VLDLR: variants seen among roughly 807,000 people sequenced by gnomAD.
The protein encoded by VLDLR is very low-density lipoprotein receptor.
In VLDLR, 81 loss-of-function variants were observed where a neutral mutation model predicts 112.7. The observed-to-expected ratio is 0.72, with a 90% confidence interval of 0.60 to 0.86. VLDLR has a LOEUF of 0.86. Among genes scored for constraint, VLDLR ranks in the 40% least tolerant of loss-of-function variants. VLDLR has a pLI of 0.00. For missense variants in VLDLR, 1,237 were observed against 1,099.4 expected (o/e 1.13, Z -1.77); for synonymous variants, 436 against 384.8 (o/e 1.13, Z -1.56).
chr9:2,622,280 G>A lies in VLDLR; in HGVS notation c.82+9G>A, dbSNP rs1054309178. 4.8e-6 allele frequency: 7 copies of A among 1,468,560 alleles called. No individual in the cohort carries two copies. In the Admixed American group the frequency reaches 7.0e-5, roughly 15 times the overall value. The allele number at this position is 1,468,560 out of a possible 1,614,324, so 91.0% of individuals were successfully genotyped here. A position where few individuals can be genotyped will look rare whatever the true frequency, so the allele number is the denominator to read the frequency against. Reference sequence around the variant, plus strand: ...CGGCGCCACCGGAACCGGTGAGTGAGGACGCGCCCCTCCGCCGGCGGGCGG... The same window carrying A: ...CGGCGCCACCGGAACCGGTGAGTGAAGACGCGCCCCTCCGCCGGCGGGCGG... On this transcript the variant is annotated intron_variant, in intron 1 of 18. Coordinates refer to ENST00000382100, the MANE Select transcript of VLDLR (RefSeq NM_003383.5).
intron 1 of VLDLR, 172 bp downstream of exon 1, chr9:2,622,443 C>G: frequency 3.6e-6 from 2 of 554,914 alleles, no homozygotes; most frequent in Non-Finnish European, 5.7e-6. Flanking sequence ...AGCGCCGAGG[C>G]TAAAGGGAGC....
At position 2,639,114 on chromosome 9, in the gene VLDLR, C is replaced by T. The variant is rs540127903; in HGVS notation, c.203-745C>T. On this transcript the variant is annotated intron_variant, in intron 2 of 18. Coordinates refer to ENST00000382100, the MANE Select transcript of VLDLR (RefSeq NM_003383.5). ...TATATTAGTCAGCTCAGACTGCTGT[C>T]ACAAAAATACCATAAGTGGGTGGCT... is the stretch of plus-strand genomic sequence containing the variant. 1.6e-3 allele frequency among the ~76,000 whole-genome samples: 250 copies of T among 152,288 alleles called. 1 individual carries two copies. Among genetic ancestry groups the T allele is most frequent in the African/African-American group, 5.8e-3 (240 of 41,554 alleles).
At chr9:2,622,607 A>G (rs1352123450) in intron 1 of VLDLR, among the ~76,000 whole-genome samples, 1 of 152,172 alleles carries the variant, frequency 6.6e-6, no homozygotes, top group Admixed American at 6.5e-5. Context: ...GCATTGAACA[A>G]TGGTTCTGCC....
chr9:2,628,443 C>T (rs1420110191), intron 1 of VLDLR, among the ~76,000 whole-genome samples: 7 of 152,006 alleles, frequency 4.6e-5, no homozygotes, highest in Admixed American at 1.3e-4. Flanking sequence ...TAGCTCAGCC[C>T]GTATAGCAGA....
intron 9 of VLDLR, 105 bp downstream of exon 9, chr9:2,645,187 T>G (rs1462264088): frequency 3.3e-6 from 5 of 1,531,082 alleles, no homozygotes; most frequent in Non-Finnish European, 1.8e-6. Context: ...AAATTGTACT[T>G]GAGAACAATG....
At chr9:2,635,346 C>T in intron 1 of VLDLR, 107 bp from the exon 2 acceptor site, 3 of 1,565,580 alleles carry the variant, frequency 1.9e-6, no homozygotes, top group Non-Finnish European at 2.6e-6. Flanking sequence ...ATGTCATAGC[C>T]TGCCGAGTCT....
rs181124390 is a variant in VLDLR at position 2,654,174 on chromosome 9, T to C, written c.*306T>C. The C allele has an allele frequency of 6.2e-5, 26 of 418,004 alleles. No individual in the cohort carries two copies. The East Asian group carries it at 1.4e-3, about 22-fold the overall frequency. 25.9% of individuals were successfully genotyped at this position (418,004 alleles called of 1,614,324 possible). A position where few individuals can be genotyped will look rare whatever the true frequency, so the allele number is the denominator to read the frequency against. On this transcript the variant is annotated 3_prime_UTR_variant, in exon 19 of 19. Transcript: ENST00000382100. ...GAAAGCCATATTCCAGCAGTGAAAC[T>C]TGTGCTATAGTGTATACCACCTGTA...
Position 2,643,643 on chromosome 9 carries a change from G to A in VLDLR, c.836G>A (p.Arg279Gln), listed in dbSNP as rs114307467. ...DEVNCPSRTCRPDQFECEDGS... is the reference protein window; with the variant it reads ...DEVNCPSRTCQPDQFECEDGS... ...CCCTTTGTAGCCTCTCGAACTTGCCGACCTGACCAATTTGAATGTGAGGAT... is the reference window on the plus strand; with the variant it reads ...CCCTTTGTAGCCTCTCGAACTTGCCAACCTGACCAATTTGAATGTGAGGAT... The change falls in exon 6 of 19, where the codon CGA (arginine) becomes CAA (glutamine). Residue 279 changes from arginine (R) to glutamine (Q), a missense_variant. Arg to Gln is a conservative substitution (Grantham distance 43, BLOSUM62 1). Transcript: ENST00000382100. 3.6e-4 allele frequency: 586 copies of A among 1,614,144 alleles called. No homozygotes were observed. The highest frequency in any genetic ancestry group is 6.8e-4 in the South Asian group (62 of 91,060).
chr9:2,644,356 A>C (rs1380770196), intron 7 of VLDLR, among the ~76,000 whole-genome samples: 1 of 133,848 alleles, frequency 7.5e-6, no homozygotes, highest in Non-Finnish European at 1.6e-5. Flanking sequence ...TTTTTAGTAG[A>C]GACAGGGTTT....
Position 2,659,152 on chromosome 9 carries a change from A to T in VLDLR, c.*5284A>T, listed in dbSNP as rs1214359671. 2.6e-5 allele frequency: 4 copies of T among 152,216 alleles called. No homozygotes were observed. 9.4% of individuals were successfully genotyped at this position (152,216 alleles called of 1,614,324 possible). On this transcript the variant is annotated 3_prime_UTR_variant, in exon 19 of 19. Transcript: ENST00000382100. ...CTCCCAAGTCTTTTACTTGCTCTTC[A>T]CAGCAACCCTAATAGGTATCTCCAT...
chr9:2,630,947 A>G (rs1817323897), intron 1 of VLDLR, among the ~76,000 whole-genome samples: 1 of 152,226 alleles, frequency 6.6e-6, no homozygotes, highest in Non-Finnish European at 1.5e-5. Flanking sequence ...ACTAATATCC[A>G]GAATATACAA....
At chr9:2,635,723 G>A (rs1454670129) in intron 2 of VLDLR, 151 bp downstream of exon 2, 7 of 1,217,856 alleles carry the variant, frequency 5.7e-6, no homozygotes, top group East Asian at 2.5e-5. Flanking sequence ...AAAATTGAAT[G>A]TTTGACGTGG....
Position 2,657,846 on chromosome 9 carries a change from T to A in VLDLR, c.*3978T>A, listed in dbSNP as rs1410344420. On this transcript the variant is annotated 3_prime_UTR_variant, in exon 19 of 19. Transcript: ENST00000382100. ...TATAGTCTCTAAGGCCAGAAGGGGC[T>A]TATAATGACTTCTCTTCTAGAATTG... The A allele has an allele frequency of 6.6e-6, 1 of 152,190 alleles. No homozygotes were observed. The highest frequency in any genetic ancestry group is 1.5e-5 in the Non-Finnish European group (1 of 68,030). The allele number at this position is 152,190 out of a possible 1,614,324, so 9.4% of individuals were successfully genotyped here.
Position 2,643,436 on chromosome 9 carries a change from G to A in VLDLR, c.725G>A (p.Ser242Asn). 2 of 1,614,198 alleles carry A rather than the reference G, an allele frequency of 1.2e-6. No homozygotes were observed. Among genetic ancestry groups the A allele is most frequent in the South Asian group, 2.2e-5 (2 of 91,084 alleles). ...QPVIHTKCPA[S>N]EIQCGSGECI... ...GTCATACACACCAAGTGTCCAGCCA[G>A]CGAAATCCAGTGCGGCTCTGGCGAG... Residue 242 changes from serine (S) to asparagine (N), a missense_variant, in exon 5 of 19, where the codon AGC becomes AAC. By Grantham distance (46) the Ser-to-Asn change is conservative. Transcript: ENST00000382100.
chr9:2,654,012 C>A lies in VLDLR; in HGVS notation c.*144C>A. The A allele has an allele frequency of 1.3e-6, 1 of 784,146 alleles. No individual in the cohort carries two copies. Among genetic ancestry groups the A allele is most frequent in the East Asian group, 2.6e-5 (1 of 38,644 alleles). 48.6% of individuals were successfully genotyped at this position (784,146 alleles called of 1,614,324 possible). On this transcript the variant is annotated 3_prime_UTR_variant, in exon 19 of 19. Transcript: ENST00000382100. ...CCTTTGCGTGGATCAAGCTTGTGTA[C>A]TTGACCGTTTTTATATTACTTTTGT...
rs1816801157 is a variant in VLDLR, at chr9:2,621,992, G to A, written c.-198G>A. 9 of 652,586 alleles carry A rather than the reference G, an allele frequency of 1.4e-5. No homozygotes were observed. The highest frequency in any genetic ancestry group is 3.7e-4 in the Middle Eastern group (1 of 2,680). 40.4% of individuals were successfully genotyped at this position (652,586 alleles called of 1,614,324 possible). On this transcript the variant is annotated 5_prime_UTR_variant, in exon 1 of 19. Transcript: ENST00000382100. ...CCCGGGGAGGTGGCTGGGTGGGTGG[G>A]GAGGAGACTGTGCAAGTTGTAGGGG...
chr9:2,652,311 C>T (rs1392098206), intron 17 of VLDLR, among the ~76,000 whole-genome samples: 1 of 152,170 alleles, frequency 6.6e-6, no homozygotes, highest in Non-Finnish European at 1.5e-5. Context: ...TGCACAAATG[C>T]TTAAATGCTA....
rs2130747377 is a variant in VLDLR at position 2,622,156 on chromosome 9, C to T, written c.-34C>T. The T allele has an allele frequency of 2.2e-6, 3 of 1,342,480 alleles. No homozygotes were observed. The highest frequency in any genetic ancestry group is 6.4e-5 in the East Asian group (2 of 31,378). 83.2% of individuals were successfully genotyped at this position (1,342,480 alleles called of 1,614,324 possible). Reference sequence around the variant, plus strand: ...TGTCGTGCGGAGCGAACGGCGGCGGCGGCGGCGGCGGCGGCACCATCCAGG... The same window carrying T: ...TGTCGTGCGGAGCGAACGGCGGCGGTGGCGGCGGCGGCGGCACCATCCAGG... On this transcript the variant is annotated 5_prime_UTR_variant, in exon 1 of 19. Transcript: ENST00000382100.
intron 1 of VLDLR, 181 bp downstream of exon 1, chr9:2,622,452 G>T: frequency 1.9e-6 from 1 of 531,432 alleles, no homozygotes; most frequent in Non-Finnish European, 3.0e-6. Context: ...GCTAAAGGGA[G>T]CCGGGCTTGG....
Sources: allele counts gnomAD v4.1 joint callset (sites outside exome capture counted in the v4.1 genomes callset), GRCh38; gene constraint gnomAD v4.1.1; transcripts MANE v1.5; gene names NCBI Gene and HGNC (gene_info 2026-07-23, HGNC 2026-07-21).